The following JAZF1 variants were observed in gnomAD, a reference collection of about 807,000 sequenced individuals.
The protein encoded by JAZF1 is JAZF zinc finger 1.
A neutral mutation model predicts 26.4 loss-of-function variants in JAZF1; 8 were observed. The observed-to-expected ratio is 0.30, with a 90% CI of 0.18 to 0.55. The LOEUF (loss-of-function observed/expected upper bound fraction) is 0.55. Ranked by LOEUF, JAZF1 falls within the 20% of genes least tolerant of loss-of-function variation. JAZF1 has a pLI of 0.94. For missense variants in JAZF1, 199 were observed against 322.0 expected (o/e 0.62, Z 2.92); for synonymous variants, 126 against 122.3 (o/e 1.03, Z -0.20).
intron 2 of JAZF1, among the ~76,000 whole-genome samples, chr7:27,905,784 G>T (rs1271605487): frequency 5.3e-5 from 8 of 152,016 alleles, no homozygotes; most frequent in African/African-American, 1.9e-4. Flanking sequence ...TATAGGAAGA[G>T]CATAATCTTG....
At chr7:28,076,836 A>AT (rs1444375962) in intron 1 of JAZF1, among the ~76,000 whole-genome samples, 2 of 152,076 alleles carry the variant, frequency 1.3e-5, no homozygotes, top group Admixed American at 6.6e-5. Context: ...TAATAGGGAA[A>AT]TTTTTCCAGG....
At chr7:28,179,125 T>C (rs1167905961) in intron 1 of JAZF1, among the ~76,000 whole-genome samples, 1 of 152,238 alleles carries the variant, frequency 6.6e-6, no homozygotes, top group Admixed American at 6.5e-5. Context: ...GCTGAATCCA[T>C]GGCATTCATT....
chr7:27,884,659 A>G (rs184117302), intron 3 of JAZF1, among the ~76,000 whole-genome samples: 1 of 152,224 alleles, frequency 6.6e-6, no homozygotes, highest in East Asian at 1.9e-4. Flanking sequence ...TGTTTTTGAG[A>G]TTCATCCATT....
chr7:27,976,344 CAAAAAA>C (rs55992845), intron 2 of JAZF1, among the ~76,000 whole-genome samples: 4 of 80,460 alleles, frequency 5.0e-5, no homozygotes, highest in South Asian at 5.2e-4. Flanking sequence ...GACTCCGTCT[CAAAAAA>C]AAAAAAAAAA....
At chr7:27,855,621 G>A (rs1307238655) in intron 3 of JAZF1, among the ~76,000 whole-genome samples, 1 of 152,134 alleles carries the variant, frequency 6.6e-6, no homozygotes, top group Non-Finnish European at 1.5e-5. Flanking sequence ...AGAAGAAATG[G>A]ATAAATTCTT....
rs1421321425 is a variant in JAZF1 at position 28,180,765 on chromosome 7, C to G, written c.-188G>C. 52 of 218,362 alleles carry G rather than the reference C, an allele frequency of 2.4e-4. No homozygotes were observed. In the East Asian group the frequency reaches 5.4e-3, roughly 23 times the overall value. 13.5% of individuals were successfully genotyped at this position (218,362 alleles called of 1,614,324 possible). A position where few individuals can be genotyped will look rare whatever the true frequency, so the allele number is the denominator to read the frequency against. ...AGATGGAAGGAGAGCGAGGAGCCAC[C>G]GGGAGGCAGAGGGGAGGCGGCGGCT... On this transcript the variant is annotated 5_prime_UTR_variant, in exon 1 of 5. Coordinates refer to ENST00000283928, the MANE Select transcript of JAZF1 (RefSeq NM_175061.4).
chr7:28,117,281 A>T (rs1374909054), intron 1 of JAZF1, among the ~76,000 whole-genome samples: 4 of 152,112 alleles, frequency 2.6e-5, no homozygotes, highest in African/African-American at 9.7e-5. Context: ...ATTCACGGTT[A>T]AAAAGTCCTT....
intron 2 of JAZF1, among the ~76,000 whole-genome samples, chr7:27,982,666 T>C (rs1785609812): frequency 1.3e-5 from 2 of 152,166 alleles, no homozygotes; most frequent in Non-Finnish European, 2.9e-5. Context: ...AATGGGTCCC[T>C]GACCCCCGAG....
chr7:27,941,175 A>G (rs2128352390), intron 2 of JAZF1, among the ~76,000 whole-genome samples: 1 of 152,340 alleles, frequency 6.6e-6, no homozygotes, highest in South Asian at 2.1e-4. Context: ...AGCTGCACCA[A>G]ATGAGCCTTT....
chr7:27,869,435 T>G (rs1215426397), intron 3 of JAZF1, among the ~76,000 whole-genome samples: 1 of 152,154 alleles, frequency 6.6e-6, no homozygotes, highest in African/African-American at 2.4e-5. Context: ...ACTAGGTATT[T>G]TGGGGACTCT....
intron 2 of JAZF1, among the ~76,000 whole-genome samples, chr7:27,985,877 G>C (rs182406793): frequency 2.3e-4 from 35 of 152,262 alleles, no homozygotes; most frequent in African/African-American, 8.2e-4. Flanking sequence ...AATAGAAGCA[G>C]AAAAGGCCTT....
intron 1 of JAZF1, among the ~76,000 whole-genome samples, chr7:28,001,938 T>C (rs1244856577): frequency 6.6e-6 from 1 of 151,988 alleles, no homozygotes; most frequent in Non-Finnish European, 1.5e-5. Context: ...AACTAGAAGG[T>C]GAAAAGGAGT....
At chr7:27,997,927 T>C (rs1430518249) in intron 1 of JAZF1, among the ~76,000 whole-genome samples, 2 of 151,432 alleles carry the variant, frequency 1.3e-5, no homozygotes, top group African/African-American at 2.4e-5. Context: ...CTCTAGACAT[T>C]GGAGGAAAAG....
At chr7:27,883,753 TC>T (rs1783811070) in intron 3 of JAZF1, among the ~76,000 whole-genome samples, 1 of 152,240 alleles carries the variant, frequency 6.6e-6, no homozygotes, top group East Asian at 1.9e-4. Flanking sequence ...ACACTTTCAG[TC>T]ATTAACCAAT....
chr7:28,168,601 C>A (rs79189218), intron 1 of JAZF1, among the ~76,000 whole-genome samples: 5,703 of 152,222 alleles, frequency 0.037, 337 homozygotes, highest in African/African-American at 0.13. Context: ...TTACTTCCCT[C>A]ATATGCTGTG....
chr7:27,837,418 A>G (rs1185285108), intron 4 of JAZF1, among the ~76,000 whole-genome samples: 1 of 152,192 alleles, frequency 6.6e-6, no homozygotes, highest in African/African-American at 2.4e-5. Context: ...CTCAGTGGGG[A>G]GCCCACATTT....
At chr7:28,120,805 G>A (rs1328484205) in intron 1 of JAZF1, among the ~76,000 whole-genome samples, 2 of 152,022 alleles carry the variant, frequency 1.3e-5, no homozygotes, top group Admixed American at 6.5e-5. Context: ...TCCACTCCGT[G>A]CACTTGCTTG....
chr7:27,855,092 A>G (rs1783221578), intron 3 of JAZF1, among the ~76,000 whole-genome samples: 1 of 152,054 alleles, frequency 6.6e-6, no homozygotes, highest in Non-Finnish European at 1.5e-5. Context: ...TTTTGTCTTC[A>G]TGCTTTATTT....
chr7:28,084,720 G>T lies in JAZF1; in HGVS notation c.116-92739C>A, dbSNP rs78070003. ...GAGACATGGAGATGGCCTTGGAGCA[G>T]CTCTGGGCAGGCTCCCTCTCTCTTC... On this transcript the variant is annotated intron_variant, in intron 1 of 4. Coordinates refer to ENST00000283928, the MANE Select transcript of JAZF1 (RefSeq NM_175061.4). Among the ~76,000 whole-genome samples the T allele has an allele frequency of 9.1e-3, 1,391 of 152,288 alleles. 23 individuals carry two copies. The highest frequency in any genetic ancestry group is 0.032 in the African/African-American group (1,340 of 41,558).
Sources: allele counts gnomAD v4.1 joint callset (sites outside exome capture counted in the v4.1 genomes callset), GRCh38; gene constraint gnomAD v4.1.1; transcripts MANE v1.5; gene names NCBI Gene and HGNC (gene_info 2026-07-23, HGNC 2026-07-21).